GLCE: variants seen among roughly 807,000 people sequenced by gnomAD.
GLCE encodes the protein D-glucuronyl C5-epimerase.
Under a neutral mutation model 47.9 loss-of-function variants are expected in GLCE, and 19 were observed. The observed-to-expected ratio is 0.40, with a 90% CI of 0.28 to 0.58. The LOEUF is 0.58. Among genes scored for constraint, GLCE ranks in the 20% least tolerant of loss-of-function variants. The probability of loss-of-function intolerance (pLI) is 0.48; values close to 1 mark genes in which losing one functional copy is unlikely to be tolerated. For synonymous variants in GLCE, 245 were observed against 263.4 expected (o/e 0.93, Z 0.68); for missense variants, 556 against 743.3 (o/e 0.75, Z 2.93).
chr15:69,249,939 CCA>C (rs1298238533), intron 2 of GLCE, among the ~76,000 whole-genome samples: 1 of 152,062 alleles, frequency 6.6e-6, no homozygotes, highest in African/African-American at 2.4e-5. Flanking sequence ...AGAAGTTTTT[CCA>C]CAGTTTCTTT....
chr15:69,172,230 A>G (rs182805967), intron 1 of GLCE, among the ~76,000 whole-genome samples: 1 of 152,342 alleles, frequency 6.6e-6, no homozygotes, highest in Non-Finnish European at 1.5e-5. Context: ...GGTTACAGAC[A>G]ATAATAGACT....
chr15:69,189,476 G>A (rs1323463321), intron 1 of GLCE, among the ~76,000 whole-genome samples: 2 of 152,048 alleles, frequency 1.3e-5, no homozygotes, highest in South Asian at 2.1e-4. Flanking sequence ...TCCAAGTTTG[G>A]GCAATTATGA....
chr15:69,222,450 T>A (rs2052390961), intron 2 of GLCE, among the ~76,000 whole-genome samples: 1 of 152,116 alleles, frequency 6.6e-6, no homozygotes, highest in African/African-American at 2.4e-5. Flanking sequence ...GGTGCACAGA[T>A]CAGGCTCACC....
intron 1 of GLCE, among the ~76,000 whole-genome samples, chr15:69,177,387 A>G (rs1321274003): frequency 6.6e-6 from 1 of 152,146 alleles, no homozygotes; most frequent in Non-Finnish European, 1.5e-5. Flanking sequence ...TATGATGAAT[A>G]TAAAAGAAGT....
At chr15:69,230,203 A>G (rs971223492) in intron 2 of GLCE, among the ~76,000 whole-genome samples, 4 of 116,728 alleles carry the variant, frequency 3.4e-5, no homozygotes, top group African/African-American at 5.7e-5. Flanking sequence ...GAGAAACTCC[A>G]TCTCGATTTA....
intron 2 of GLCE, among the ~76,000 whole-genome samples, chr15:69,254,502 G>A (rs752212978): frequency 6.6e-6 from 1 of 152,152 alleles, no homozygotes; most frequent in Admixed American, 6.6e-5. Flanking sequence ...AGACCAGTTT[G>A]AATATAACTG....
chr15:69,226,338 A>G (rs766253475), intron 2 of GLCE, among the ~76,000 whole-genome samples: 37 of 152,220 alleles, frequency 2.4e-4, no homozygotes, highest in Admixed American at 1.1e-3. Context: ...GTACTTTATT[A>G]AGTTAAATAG....
At chr15:69,261,433 C>T in intron 4 of GLCE, 104 bp downstream of exon 4, 1 of 1,056,566 alleles carries the variant, frequency 9.5e-7, no homozygotes, top group Non-Finnish European at 1.4e-6. Flanking sequence ...TAAGCAGACC[C>T]TTTATATTAC....
At chr15:69,221,379 A>G (rs1343323404) in intron 2 of GLCE, among the ~76,000 whole-genome samples, 5 of 152,146 alleles carry the variant, frequency 3.3e-5, no homozygotes, top group Non-Finnish European at 2.9e-5. Context: ...ATCCATGAAC[A>G]TGCGATATGT....
chr15:69,270,602 A>G lies in GLCE; in HGVS notation c.*1358A>G, dbSNP rs1248428633. On this transcript the variant is annotated 3_prime_UTR_variant, in exon 5 of 5. Transcript: ENST00000261858. ...ACTTTCAGGGGACCGAGTCTGACAA[A>G]CACAATACATTTATCTGTGACCTAT... 6.6e-6 allele frequency: 1 copy of G among 152,182 alleles called. No homozygotes were observed. The highest frequency in any genetic ancestry group is 1.5e-5 in the Non-Finnish European group (1 of 68,040). 9.4% of individuals were successfully genotyped at this position (152,182 alleles called of 1,614,324 possible). A position where few individuals can be genotyped will look rare whatever the true frequency, so the allele number is the denominator to read the frequency against.
intron 1 of GLCE, among the ~76,000 whole-genome samples, chr15:69,167,260 G>C (rs2051518156): frequency 6.6e-6 from 1 of 152,164 alleles, no homozygotes; most frequent in Non-Finnish European, 1.5e-5. Context: ...ACTATTGCTT[G>C]AAAGGGATAC....
At chr15:69,187,694 T>C (rs1179307036) in intron 1 of GLCE, among the ~76,000 whole-genome samples, 5 of 152,204 alleles carry the variant, frequency 3.3e-5, no homozygotes, top group African/African-American at 1.2e-4. Context: ...GAAGCCTATA[T>C]AAAAGGTTTT....
intron 1 of GLCE, among the ~76,000 whole-genome samples, chr15:69,189,043 A>C (rs2051875081): frequency 6.6e-6 from 1 of 152,158 alleles, no homozygotes; most frequent in Admixed American, 6.5e-5. Flanking sequence ...ATTATCACCC[A>C]AAGTCCATAA....
In GLCE at chr15:69,261,408, G is replaced by T. The variant is rs2053013367; in HGVS notation, c.829+79G>T. 7 of 1,397,314 alleles carry T rather than the reference G, an allele frequency of 5.0e-6. No individual in the cohort carries two copies. The South Asian group carries it at 9.5e-5, about 19-fold the overall frequency. 86.6% of individuals were successfully genotyped at this position (1,397,314 alleles called of 1,614,324 possible). A position where few individuals can be genotyped will look rare whatever the true frequency, so the allele number is the denominator to read the frequency against. The stretch of plus-strand genomic sequence containing the variant: ...GATAGTCCCTTAAAATTTTAATATG[G>T]TTTAAAAAAACACATAAGCAGACCC... On this transcript the variant is annotated intron_variant, in intron 4 of 4. Coordinates refer to ENST00000261858, the MANE Select transcript of GLCE (RefSeq NM_015554.3).
At chr15:69,222,913 C>T (rs2052397030) in intron 2 of GLCE, among the ~76,000 whole-genome samples, 1 of 152,112 alleles carries the variant, frequency 6.6e-6, no homozygotes, top group African/African-American at 2.4e-5. Flanking sequence ...CAATTAACAT[C>T]CTAGGTTATA....
chr15:69,175,703 T>C (rs1434704101), intron 1 of GLCE, among the ~76,000 whole-genome samples: 1 of 152,242 alleles, frequency 6.6e-6, no homozygotes, highest in Non-Finnish European at 1.5e-5. Flanking sequence ...TATTTTGTTT[T>C]GATTGGCTTT....
chr15:69,243,917 G>A (rs992672784), intron 2 of GLCE, among the ~76,000 whole-genome samples: 1 of 152,138 alleles, frequency 6.6e-6, no homozygotes, highest in African/African-American at 2.4e-5. Flanking sequence ...TGGGATGACA[G>A]GCGTGAGCCA....
chr15:69,264,887 AT>A (rs202057471), intron 4 of GLCE, among the ~76,000 whole-genome samples: 24 of 151,104 alleles, frequency 1.6e-4, no homozygotes, highest in African/African-American at 5.1e-4. Flanking sequence ...TTTTAATCAG[AT>A]TTTTTTTTGC....
intron 2 of GLCE, among the ~76,000 whole-genome samples, chr15:69,230,722 T>C (rs920595605): frequency 6.6e-6 from 1 of 152,228 alleles, no homozygotes; most frequent in African/African-American, 2.4e-5. Context: ...TTATTGGGGC[T>C]TACTAATTTC....
Sources: gnomAD v4.1 joint callset for allele counts (sites outside exome capture counted in the v4.1 genomes callset) on GRCh38, gnomAD v4.1.1 for gene constraint, MANE v1.5 for transcripts, NCBI Gene and HGNC (gene_info 2026-07-23, HGNC 2026-07-21) for gene names.